ZNF431: variants seen among roughly 807,000 people sequenced by gnomAD.
The protein encoded by ZNF431 is zinc finger protein 431.
Under a neutral mutation model 57.0 loss-of-function variants are expected in ZNF431, and 34 were observed. The ratio of observed to expected loss-of-function variants is 0.60; its 90% CI spans 0.45 to 0.79. The LOEUF is 0.79. Among genes scored for constraint, ZNF431 ranks in the 30% least tolerant of loss-of-function variants. ZNF431 has a pLI of 0.00. For synonymous variants in ZNF431, 207 were observed against 220.3 expected, an observed-to-expected ratio of 0.94 and a Z score of 0.54; for missense variants, 607 against 667.1, an observed-to-expected ratio of 0.91 and a Z score of 0.99.
rs981594212 is a variant in ZNF431, at chr19:21,185,375, C to A, written c.*1341C>A. 4 of 152,000 alleles carry A rather than the reference C, an allele frequency of 2.6e-5. No individual in the cohort carries two copies. Among genetic ancestry groups the A allele is most frequent in the Admixed American group, 2.6e-4 (4 of 15,264 alleles). 9.4% of individuals were successfully genotyped at this position (152,000 alleles called of 1,614,324 possible). ...CATCATTCAACTCTGAAATTATTTC[C>A]TGTTGTTTCTTCATTCCTATTGGAT... On this transcript the variant is annotated 3_prime_UTR_variant, in exon 5 of 5. Transcript: ENST00000311048.
At position 21,157,202 on chromosome 19, in the gene ZNF431, G is replaced by A. The variant is rs558286048; in HGVS notation, c.97-9133G>A. ...ACCCAGACTAGAGTGCAGTGGTACCGTCTCACCTCACTGCAACCTCTGCCT... is the reference window on the plus strand; with the variant it reads ...ACCCAGACTAGAGTGCAGTGGTACCATCTCACCTCACTGCAACCTCTGCCT... On this transcript the variant is annotated intron_variant, in intron 2 of 4. Transcript: ENST00000311048. Among the ~76,000 whole-genome samples, 5 of 152,154 alleles carry A rather than the reference G, an allele frequency of 3.3e-5. No individual in the cohort carries two copies. In the South Asian group the frequency reaches 8.3e-4, roughly 25 times the overall value.
At chr19:21,176,415 T>A (rs1324636490) in intron 4 of ZNF431, among the ~76,000 whole-genome samples, 3 of 151,748 alleles carry the variant, frequency 2.0e-5, no homozygotes, top group Non-Finnish European at 4.4e-5. Flanking sequence ...TAATTTTTTG[T>A]ATTTTTAGTA....
Position 21,182,758 on chromosome 19 carries a change from AT to A in ZNF431, c.456del (p.Asp152GlufsTer13), listed in dbSNP as rs1971243061. 2.5e-6 allele frequency: 4 copies of A among 1,613,996 alleles called. No individual in the cohort carries two copies. In the East Asian group the frequency reaches 8.9e-5, roughly 36 times the overall value. ...TTAAGAAAAGGCTCCGCAAGTGTAG[AT>A]GAGTATAAGGTGCACAAAGAAGGTT... ...LQLRKGSASV[D>X]EYKVHKEGYN... On this transcript the variant is annotated frameshift_variant, in exon 5 of 5. Transcript: ENST00000311048. LOFTEE classifies it high-confidence loss of function.
At chr19:21,162,938 A>G (rs564636043) in intron 2 of ZNF431, among the ~76,000 whole-genome samples, 1 of 152,194 alleles carries the variant, frequency 6.6e-6, no homozygotes, top group African/African-American at 2.4e-5. Flanking sequence ...ACTACATTAA[A>G]TTCTCTCATT....
At chr19:21,165,740 G>A (rs1190436812) in intron 2 of ZNF431, among the ~76,000 whole-genome samples, 1 of 150,470 alleles carries the variant, frequency 6.6e-6, no homozygotes. Flanking sequence ...GCATGTGTCT[G>A]TCTTTGGAAA....
intron 2 of ZNF431, among the ~76,000 whole-genome samples, chr19:21,150,910 C>G (rs1290788633): frequency 6.6e-6 from 1 of 151,406 alleles, no homozygotes; most frequent in African/African-American, 2.4e-5. Flanking sequence ...CTCTATCCAC[C>G]TTCAATTTTT....
chr19:21,162,912 AT>A (rs1436745584), intron 2 of ZNF431, among the ~76,000 whole-genome samples: 1 of 151,916 alleles, frequency 6.6e-6, no homozygotes, highest in Non-Finnish European at 1.5e-5. Context: ...TATAAACACA[AT>A]AAAAATTTCT....
At position 21,193,081 on chromosome 19, in the gene ZNF431, T is replaced by A. The variant is rs1445026785; in HGVS notation, c.*9047T>A. The A allele has an allele frequency of 1.3e-5, 2 of 152,100 alleles. No homozygotes were observed. Among genetic ancestry groups the A allele is most frequent in the Non-Finnish European group, 2.9e-5 (2 of 68,010 alleles). The allele number at this position is 152,100 out of a possible 1,614,324, so 9.4% of individuals were successfully genotyped here. A position where few individuals can be genotyped will look rare whatever the true frequency, so the allele number is the denominator to read the frequency against. On this transcript the variant is annotated 3_prime_UTR_variant, in exon 5 of 5. Coordinates refer to ENST00000311048, the MANE Select transcript of ZNF431 (RefSeq NM_133473.4). Reference sequence around the variant, plus strand: ...ATATAATGAAATTGAATTAATAATTTAAAAAACCTACCAACTATAAGGAGC... The same window carrying A: ...ATATAATGAAATTGAATTAATAATTAAAAAAACCTACCAACTATAAGGAGC...
At position 21,183,942 on chromosome 19, in the gene ZNF431, A is replaced by T; in HGVS notation, c.1639A>T (p.Asn547Tyr). Residue 547 changes from asparagine to tyrosine, a missense_variant, in exon 5 of 5, where the codon AAT (asparagine) becomes TAT (tyrosine). By Grantham distance (143) the Asn-to-Tyr change is moderately radical. Coordinates refer to ENST00000311048, the MANE Select transcript of ZNF431 (RefSeq NM_133473.4). Reference protein sequence around the residue: ...QKPYNCEECDNTFNQSSNLIK... With the variant: ...QKPYNCEECDYTFNQSSNLIK... ...ACCCTACAACTGTGAAGAATGTGAC[A>T]ATACATTTAACCAGTCCTCAAACCT... The T allele has an allele frequency of 1.2e-6, 2 of 1,611,676 alleles. No homozygotes were observed. Among genetic ancestry groups the T allele is most frequent in the Non-Finnish European group, 1.7e-6 (2 of 1,179,112 alleles).
intron 2 of ZNF431, among the ~76,000 whole-genome samples, chr19:21,154,134 T>G (rs1055268047): frequency 2.0e-5 from 3 of 152,188 alleles, no homozygotes; most frequent in Admixed American, 2.0e-4. Context: ...TAACTCGTCA[T>G]TTAACATTAG....
intron 4 of ZNF431, 71 bp downstream of exon 4, chr19:21,167,737 G>C: frequency 2.0e-6 from 2 of 1,023,618 alleles, no homozygotes; most frequent in Non-Finnish European, 2.7e-6. Context: ...AAATGTGCCA[G>C]TCCTTACAAT....
At chr19:21,157,518 T>A (rs1970449935) in intron 2 of ZNF431, among the ~76,000 whole-genome samples, 1 of 152,010 alleles carries the variant, frequency 6.6e-6, no homozygotes, top group African/African-American at 2.4e-5. Flanking sequence ...AAGCATCTGT[T>A]CATGTTTTTT....
At position 21,183,987 on chromosome 19, in the gene ZNF431, T is replaced by C. The variant is rs2145055992; in HGVS notation, c.1684T>C (p.Tyr562His). 1 of 1,587,174 alleles carries C rather than the reference T, an allele frequency of 6.3e-7. No homozygotes were observed. The highest frequency in any genetic ancestry group is 8.5e-7 in the Non-Finnish European group (1 of 1,170,100). Reference protein sequence around the residue: ...SSNLIKQNNSYWRETLQMSRM... With the variant: ...SSNLIKQNNSHWRETLQMSRM... The stretch of plus-strand genomic sequence containing the variant: ...AAACCTTATTAAACAAAATAATTCA[T>C]ACTGGAGAGAAACTCTACAAATGTC... The change falls in exon 5 of 5, where the codon TAC becomes CAC. Residue 562 changes from tyrosine (Y) to histidine (H), a missense_variant. Transcript: ENST00000311048.
chr19:21,166,437 A>G lies in ZNF431; in HGVS notation c.199A>G (p.Asn67Asp). The G allele has an allele frequency of 6.2e-7, 1 of 1,610,096 alleles. No individual in the cohort carries two copies. Among genetic ancestry groups the G allele is most frequent in the Admixed American group, 1.7e-5 (1 of 58,702 alleles). Residue 67 changes from asparagine to aspartate, a missense_variant, in exon 3 of 5, where the codon AAC becomes GAC. Physicochemically the swap from Asn to Asp is conservative, Grantham distance 23 (BLOSUM62 1). Transcript: ENST00000311048. The part of the protein sequence containing the change: ...QNLYMNVMLE[N>D]YKNLVFLGVA... ...TTTATATATGAATGTGATGTTAGAA[A>G]ACTACAAAAACCTGGTCTTCTTGGG...
rs1394899892 is a variant in ZNF431, at chr19:21,182,692, TACTG to T, written c.391_394del (p.Leu131GlufsTer13). ...ATAAAAGATTCTTTTCAACAAGTAA[TACTG>T]AGAAGATATGGCAAATGTGAACATG... is the stretch of plus-strand genomic sequence containing the variant. On this transcript the variant is annotated frameshift_variant, in exon 5 of 5. Coordinates refer to ENST00000311048, the MANE Select transcript of ZNF431 (RefSeq NM_133473.4). LOFTEE classifies it high-confidence loss of function. The T allele has an allele frequency of 6.2e-7, 1 of 1,613,732 alleles. No individual in the cohort carries two copies. The highest frequency in any genetic ancestry group is 8.5e-7 in the Non-Finnish European group (1 of 1,179,844).
chr19:21,162,548 T>TA (rs1970604724), intron 2 of ZNF431, among the ~76,000 whole-genome samples: 2 of 151,996 alleles, frequency 1.3e-5, no homozygotes, highest in Non-Finnish European at 2.9e-5. Context: ...TCAGGCGACT[T>TA]ACCCACCTCA....
intron 2 of ZNF431, among the ~76,000 whole-genome samples, chr19:21,164,419 T>C (rs1970661525): frequency 6.6e-6 from 1 of 152,114 alleles, no homozygotes; most frequent in Admixed American, 6.5e-5. Context: ...TGGCAGATCA[T>C]ATTTTTATTT....
rs1215675957 is a variant in ZNF431 at position 21,191,714 on chromosome 19, G to GT, written c.*7687dup. The GT allele has an allele frequency of 6.6e-6, 1 of 152,006 alleles. No homozygotes were observed. The highest frequency in any genetic ancestry group is 1.5e-5 in the Non-Finnish European group (1 of 67,982). 9.4% of individuals were successfully genotyped at this position (152,006 alleles called of 1,614,324 possible). On this transcript the variant is annotated 3_prime_UTR_variant, in exon 5 of 5. Coordinates refer to ENST00000311048, the MANE Select transcript of ZNF431 (RefSeq NM_133473.4). The stretch of plus-strand genomic sequence containing the variant: ...GTAAATACATGGATATATTTCTGCT[G>GT]TTTTTTTCTTCTGCTCCATTGACCT...
At chr19:21,166,513 C>T in intron 3 of ZNF431, 52 bp downstream of exon 3, 2 of 1,521,446 alleles carry the variant, frequency 1.3e-6, no homozygotes, top group Non-Finnish European at 8.8e-7. Context: ...TGTTTCATGT[C>T]TCTTTTTTTG....
Sources: gnomAD v4.1 joint callset for allele counts (sites outside exome capture counted in the v4.1 genomes callset) on GRCh38, gnomAD v4.1.1 for gene constraint, MANE v1.5 for transcripts, NCBI Gene and HGNC (gene_info 2026-07-23, HGNC 2026-07-21) for gene names.